ZC3H3: variants seen among roughly 807,000 people sequenced by gnomAD.
The protein encoded by ZC3H3 is zinc finger CCCH domain-containing protein 3.
ZC3H3 carries 36 observed loss-of-function variants against 77.3 expected under a neutral mutation model. The observed-to-expected ratio is 0.47, with a 90% CI of 0.36 to 0.61. The LOEUF (loss-of-function observed/expected upper bound fraction) is 0.61, where lower values mean the gene tolerates loss of function less well. Ranked by LOEUF, ZC3H3 falls within the 20% of genes least tolerant of loss-of-function variation. ZC3H3 has a pLI of 0.00. For synonymous variants in ZC3H3, 626 were observed against 555.2 expected, an observed-to-expected ratio of 1.13 and a Z score of -1.79; for missense variants, 1,331 against 1,312.2, an observed-to-expected ratio of 1.01 and a Z score of -0.22.
At chr8:143,517,086 G>A (rs937983440) in intron 3 of ZC3H3, among the ~76,000 whole-genome samples, 3 of 152,232 alleles carry the variant, frequency 2.0e-5, no homozygotes, top group Non-Finnish European at 4.4e-5. Context: ...CCCTATTAAA[G>A]GGAAGATTGA....
intron 4 of ZC3H3, among the ~76,000 whole-genome samples, chr8:143,504,324 C>A (rs141648735): frequency 6.6e-6 from 1 of 152,130 alleles, no homozygotes; most frequent in Non-Finnish European, 1.5e-5. Context: ...GGGGAGGGGA[C>A]GGGAAAAGAG....
chr8:143,445,502 C>G (rs1819844592), intron 9 of ZC3H3, among the ~76,000 whole-genome samples: 1 of 151,774 alleles, frequency 6.6e-6, no homozygotes, highest in South Asian at 2.1e-4. Context: ...CTGGGCAACA[C>G]AGCAAGACCC....
Position 143,539,059 on chromosome 8 carries a change from G to A in ZC3H3, c.308C>T (p.Pro103Leu). 2 of 1,613,028 alleles carry A rather than the reference G, an allele frequency of 1.2e-6. No homozygotes were observed. The highest frequency in any genetic ancestry group is 1.7e-6 in the Non-Finnish European group (2 of 1,180,024). ...RPLHGARGGQ[P>L]PVPQQHVLER... ...AAGGACATGCTGCTGCGGGACAGGA[G>A]GCTGGCCCCCCCGGGCCCCGTGCAA... Residue 103 changes from proline to leucine, a missense_variant, in exon 2 of 12, where the codon CCT becomes CTT. By Grantham distance (98) the Pro-to-Leu change is moderately conservative (BLOSUM62 -3). This residue lies in a region of ZC3H3 where 978 missense variants were observed against 915.5 expected (regional missense o/e 1.07). Transcript: ENST00000262577.
intron 8 of ZC3H3, among the ~76,000 whole-genome samples, chr8:143,466,693 G>A (rs116227350): frequency 0.011 from 1,611 of 152,238 alleles, 33 homozygotes; most frequent in African/African-American, 0.032. Flanking sequence ...GGATGTCACC[G>A]TCCAGCCTCA....
chr8:143,528,610 T>C (rs997225108), intron 3 of ZC3H3, among the ~76,000 whole-genome samples: 9 of 152,190 alleles, frequency 5.9e-5, no homozygotes, highest in African/African-American at 2.2e-4. Flanking sequence ...AGCCTCTGAG[T>C]GCTGCTGCCG....
At chr8:143,439,952 G>A (rs1586866609) in intron 11 of ZC3H3, 89 bp downstream of exon 11, 1 of 1,041,282 alleles carries the variant, frequency 9.6e-7, no homozygotes, top group Non-Finnish European at 1.3e-6. Context: ...CTGAGGGGGG[G>A]GCCCTGGGGG....
intron 3 of ZC3H3, among the ~76,000 whole-genome samples, chr8:143,518,091 T>C (rs1006949878): frequency 1.3e-5 from 2 of 152,148 alleles, no homozygotes; most frequent in Admixed American, 6.5e-5. Context: ...ATGAGCGCCA[T>C]GGCCCTGGTG....
At position 143,539,102 on chromosome 8, in the gene ZC3H3, C is replaced by T. The variant is rs745628585; in HGVS notation, c.265G>A (p.Asp89Asn). 1.9e-5 allele frequency: 31 copies of T among 1,612,682 alleles called. No individual in the cohort carries two copies. The highest frequency in any genetic ancestry group is 3.3e-5 in the Admixed American group (2 of 60,000). The change falls in exon 2 of 12, where the codon GAC (aspartate) becomes AAC (asparagine). Residue 89 changes from aspartate to asparagine, a missense_variant. Coordinates refer to ENST00000262577, the MANE Select transcript of ZC3H3 (RefSeq NM_015117.3). Reference sequence around the variant, plus strand: ...CCGTGCAACGGCCGCACAGCATGGTCGGCAGGAGGGTCTGAGGGTCCCGGG... The same window carrying T: ...CCGTGCAACGGCCGCACAGCATGGTTGGCAGGAGGGTCTGAGGGTCCCGGG... ...RPPGPSDPPADHAVRPLHGAR... is the reference protein window; with the variant it reads ...RPPGPSDPPANHAVRPLHGAR...
rs745783254 is a variant in ZC3H3, at chr8:143,536,385, C to A, written c.1433G>T (p.Arg478Leu). The change falls in exon 3 of 12, where the codon CGG (arginine) becomes CTG (leucine). Residue 478 changes from arginine (R) to leucine (L), a missense_variant. Transcript: ENST00000262577. The stretch of plus-strand genomic sequence containing the variant: ...GCTCTTCCCCCTGAGGGCCTGTCTC[C>A]GCCGGAGGCTGAGGTGGCTCTTGGC... The part of the protein sequence containing the change: ...ATAKSHLSLR[R>L]RQALRGKSSP... 6.3e-7 allele frequency: 1 copy of A among 1,584,060 alleles called. No homozygotes were observed. The highest frequency in any genetic ancestry group is 8.6e-7 in the Non-Finnish European group (1 of 1,164,192).
intron 11 of ZC3H3, among the ~76,000 whole-genome samples, chr8:143,439,141 G>T (rs1465293772): frequency 6.6e-6 from 1 of 151,988 alleles, no homozygotes; most frequent in African/African-American, 2.4e-5. Context: ...CTGCCTCGGG[G>T]CCCCATCTGC....
rs1820895289 is a variant in ZC3H3, at chr8:143,481,077, CCT to C, written c.1716-5494_1716-5493del. On this transcript the variant is annotated intron_variant, in intron 4 of 11. Coordinates refer to ENST00000262577, the MANE Select transcript of ZC3H3 (RefSeq NM_015117.3). ...GACACATGCTGCCCAGGACACCCTCCCTGAGGCTCTGTGGCTTGTTCAACAGG... is the reference window on the plus strand; with the variant it reads ...GACACATGCTGCCCAGGACACCCTCCGAGGCTCTGTGGCTTGTTCAACAGG... Among the ~76,000 whole-genome samples, 3 of 152,358 alleles carry C rather than the reference CCT, an allele frequency of 2.0e-5. No individual in the cohort carries two copies. In the South Asian group the frequency reaches 6.2e-4, roughly 32 times the overall value.
At chr8:143,527,970 A>T (rs1822473162) in intron 3 of ZC3H3, among the ~76,000 whole-genome samples, 1 of 152,192 alleles carries the variant, frequency 6.6e-6, no homozygotes, top group Non-Finnish European at 1.5e-5. Context: ...GGGGGCTCAT[A>T]ACCCTGCCTC....
chr8:143,469,934 C>G (rs1206350328), intron 5 of ZC3H3, among the ~76,000 whole-genome samples: 1 of 152,178 alleles, frequency 6.6e-6, no homozygotes, highest in Admixed American at 6.5e-5. Flanking sequence ...ATTCTGGGGA[C>G]CTGAGGTGGT....
chr8:143,454,620 C>A (rs1030552383), intron 9 of ZC3H3, among the ~76,000 whole-genome samples: 1 of 151,558 alleles, frequency 6.6e-6, no homozygotes, highest in South Asian at 2.1e-4. Context: ...ACCGTGTTAG[C>A]CAGGATGGTC....
intron 3 of ZC3H3, among the ~76,000 whole-genome samples, chr8:143,519,424 C>T (rs775442299): frequency 3.3e-5 from 5 of 152,154 alleles, no homozygotes; most frequent in Non-Finnish European, 7.4e-5. Context: ...GCTCATCTTT[C>T]GGTAAGATGA....
intron 9 of ZC3H3, among the ~76,000 whole-genome samples, chr8:143,456,068 G>T (rs1212092314): frequency 6.6e-6 from 1 of 151,852 alleles, no homozygotes; most frequent in Non-Finnish European, 1.5e-5. Flanking sequence ...GATGGAATTG[G>T]GTTCCATGAC....
intron 11 of ZC3H3, among the ~76,000 whole-genome samples, chr8:143,439,106 TAAA>T (rs568475106): frequency 1.4e-5 from 2 of 142,218 alleles, no homozygotes; most frequent in Admixed American, 7.0e-5. Flanking sequence ...TTCCTGATCT[TAAA>T]AAAAAAAAAA....
At chr8:143,532,711 G>A (rs1017603303) in intron 3 of ZC3H3, among the ~76,000 whole-genome samples, 1 of 152,264 alleles carries the variant, frequency 6.6e-6, no homozygotes, top group Non-Finnish European at 1.5e-5. Context: ...CCAAGGCAGA[G>A]GACAGGCAGG....
chr8:143,504,065 A>C (rs1821614156), intron 4 of ZC3H3, among the ~76,000 whole-genome samples: 1 of 150,084 alleles, frequency 6.7e-6, no homozygotes. Context: ...TCACTTGCCT[A>C]CCCTCCTTCC....
Sources: allele counts gnomAD v4.1 joint callset (sites outside exome capture counted in the v4.1 genomes callset), GRCh38; gene constraint gnomAD v4.1.1; regional missense constraint gnomAD v4.1.1; transcripts MANE v1.5; gene names NCBI Gene and HGNC (gene_info 2026-07-23, HGNC 2026-07-21).